The following WNT8A variants were observed in gnomAD, a reference collection of about 807,000 sequenced individuals.
WNT8A encodes the protein protein Wnt-8a.
Under a neutral mutation model 20.5 loss-of-function variants are expected in WNT8A, and 14 were observed. That is an observed-to-expected ratio of 0.68 (90% CI 0.45 to 1.07). WNT8A has a LOEUF of 1.07. WNT8A is among the 50% of genes least tolerant of loss of function. The probability of loss-of-function intolerance (pLI) is 0.00; values close to 1 mark genes in which losing one functional copy is unlikely to be tolerated. For missense variants in WNT8A, 397 were observed against 462.9 expected, an observed-to-expected ratio of 0.86 and a Z score of 1.31; for synonymous variants, 167 against 169.2, an observed-to-expected ratio of 0.99 and a Z score of 0.10.
At chr5:138,087,715 T>G in intron 2 of WNT8A, 91 bp from the exon 3 acceptor site, 8 of 1,066,076 alleles carry the variant, frequency 7.5e-6, no homozygotes, top group South Asian at 5.9e-5. Context: ...AAGTGGGGGA[T>G]AAGGGAGATA....
upstream of WNT8A, among the ~76,000 whole-genome samples, chr5:138,080,374 G>T (rs868324494): frequency 7.1e-6 from 1 of 139,862 alleles, no homozygotes; most frequent in Admixed American, 7.4e-5. Context: ...TAATTCCAAC[G>T]CTCGCAACTG....
At chr5:138,089,100 A>G (rs1033575767) in intron 4 of WNT8A, 31 bp downstream of exon 4, 1 of 1,605,088 alleles carries the variant, frequency 6.2e-7, no homozygotes, top group Middle Eastern at 1.9e-4. Context: ...CAGTATTTCT[A>G]CAGCTTCACA....
chr5:138,080,261 T>C, upstream of WNT8A, among the ~76,000 whole-genome samples: 1 of 150,490 alleles, frequency 6.6e-6, no homozygotes. Context: ...GAGGCAGAGG[T>C]TGTGGTGAGC....
At chr5:138,082,876 A>AAAAT (rs61652264), upstream of WNT8A, among the ~76,000 whole-genome samples, 27,801 of 137,572 alleles carry the variant, frequency 0.2, 3,176 homozygotes, top group Middle Eastern at 0.26. Flanking sequence ...ACTCCATCTC[A>AAAAT]AAATAAATAA....
In WNT8A at chr5:138,088,902, G is replaced by T. The variant is rs1461165251; in HGVS notation, c.422-25G>T. 6 of 1,612,078 alleles carry T rather than the reference G, an allele frequency of 3.7e-6. No individual in the cohort carries two copies. The Admixed American group carries it at 6.7e-5, about 18-fold the overall frequency. On this transcript the variant is annotated intron_variant, in intron 3 of 4. Coordinates refer to ENST00000506684, the MANE Select transcript of WNT8A (RefSeq NM_001300939.2). ...GGGACTGAGCATGGAGCTACACGGAGAACTTATTCTGTCCTTGTATATAGG... is the reference window on the plus strand; with the variant it reads ...GGGACTGAGCATGGAGCTACACGGATAACTTATTCTGTCCTTGTATATAGG...
In WNT8A at chr5:138,091,057, G is replaced by A. The variant is rs1482686758; in HGVS notation, c.1094G>A (p.Gly365Asp). ...ARSPGSAQSLGKGSA is the reference protein window; with the variant it reads ...ARSPGSAQSLDKGSA ...TCCCCAGGCAGTGCCCAGTCCCTGG[G>A]TAAGGGCAGTGCCTGATAATACCCC... Residue 365 changes from glycine (G) to aspartate (D), a missense_variant, in exon 5 of 5, where the codon GGT becomes GAT. Physicochemically the swap from Gly to Asp is moderately conservative, Grantham distance 94 (BLOSUM62 -1). Coordinates refer to ENST00000506684, the MANE Select transcript of WNT8A (RefSeq NM_001300939.2). The A allele has an allele frequency of 3.1e-6, 5 of 1,611,950 alleles. No individual in the cohort carries two copies. In the Admixed American group the frequency reaches 6.7e-5, roughly 22 times the overall value.
At chr5:138,079,766 T>C (rs1750454716), upstream of WNT8A, among the ~76,000 whole-genome samples, 1 of 152,208 alleles carries the variant, frequency 6.6e-6, no homozygotes, top group Non-Finnish European at 1.5e-5. Flanking sequence ...AGTTGGATCA[T>C]TACTTAAAAG....
chr5:138,083,848 A>G (rs1185085529), upstream of WNT8A: 21 of 429,292 alleles, frequency 4.9e-5, no homozygotes, highest in Non-Finnish European at 7.4e-5. Flanking sequence ...GGAGGGAAGA[A>G]GGGCTGGAGG....
rs1750843859 is a variant in WNT8A, at chr5:138,091,191, C to T, written c.*118C>T. On this transcript the variant is annotated 3_prime_UTR_variant, in exon 5 of 5. Coordinates refer to ENST00000506684, the MANE Select transcript of WNT8A (RefSeq NM_001300939.2). Reference sequence around the variant, plus strand: ...AATTGCAGTTTTGGTCTGTAGTCCTCATGATATCTGCTATCAGTGGGGAAA... The same window carrying T: ...AATTGCAGTTTTGGTCTGTAGTCCTTATGATATCTGCTATCAGTGGGGAAA... 1 of 1,540,762 alleles carries T rather than the reference C, an allele frequency of 6.5e-7. No homozygotes were observed. Among genetic ancestry groups the T allele is most frequent in the Non-Finnish European group, 8.7e-7 (1 of 1,154,844 alleles).
At chr5:138,086,688 C>T (rs1294296105) in intron 2 of WNT8A, among the ~76,000 whole-genome samples, 1 of 150,112 alleles carries the variant, frequency 6.7e-6, no homozygotes, top group African/African-American at 2.5e-5. Context: ...GGATTGCTTG[C>T]GCCCAGGAGT....
upstream of WNT8A, among the ~76,000 whole-genome samples, chr5:138,082,903 A>G (rs954119716): frequency 1.3e-4 from 18 of 140,228 alleles, no homozygotes; most frequent in African/African-American, 4.5e-4. Flanking sequence ...AAATAAATAA[A>G]TAAATAAATA....
chr5:138,087,742 C>G (rs1233001371), intron 2 of WNT8A, 64 bp from the exon 3 acceptor site: 2 of 1,506,976 alleles, frequency 1.3e-6, no homozygotes, highest in South Asian at 1.2e-5. Flanking sequence ...ATTATTTTTC[C>G]AAAGCCTCTG....
chr5:138,085,555 G>A (rs1218870268), intron 2 of WNT8A, among the ~76,000 whole-genome samples: 1 of 152,072 alleles, frequency 6.6e-6, no homozygotes, highest in African/African-American at 2.4e-5. Context: ...TAAAGAAGAC[G>A]GAGAAAGTGG....
rs535147187 is a variant in WNT8A, at chr5:138,084,245, G to A, written c.118G>A (p.Gly40Ser). 6 of 1,613,948 alleles carry A rather than the reference G, an allele frequency of 3.7e-6. No homozygotes were observed. Among genetic ancestry groups the A allele is most frequent in the Admixed American group, 1.7e-5 (1 of 59,984 alleles). The change falls in exon 1 of 5, where the codon GGT becomes AGT. Residue 40 changes from glycine (G) to serine (S), a missense_variant. Coordinates refer to ENST00000506684, the MANE Select transcript of WNT8A (RefSeq NM_001300939.2). The part of the protein sequence containing the change: ...IHLCLTFSLF[G>S]RSVNNFLITG... ...CCTCTGCCTCACTTTTTCTCTTTTT[G>A]GTAGGTCAGTGAACAATTTCCTGAT... is the stretch of plus-strand genomic sequence containing the variant.
intron 4 of WNT8A, among the ~76,000 whole-genome samples, chr5:138,089,538 G>C (rs1750781108): frequency 6.6e-6 from 1 of 152,178 alleles, no homozygotes; most frequent in Admixed American, 6.5e-5. Context: ...TGGGGTGGCA[G>C]TCTCTGGAGT....
intron 2 of WNT8A, among the ~76,000 whole-genome samples, chr5:138,085,776 C>A (rs933285785): frequency 1.3e-5 from 2 of 150,416 alleles, no homozygotes; most frequent in Admixed American, 1.3e-4. Flanking sequence ...ATTTCTGGAA[C>A]CCAGGAGTTC....
chr5:138,086,607 A>T (rs1342938119), intron 2 of WNT8A, among the ~76,000 whole-genome samples: 3 of 152,064 alleles, frequency 2.0e-5, no homozygotes, highest in Non-Finnish European at 4.4e-5. Context: ...TGTTCTTTCA[A>T]ATAGAAGAGC....
At chr5:138,079,073 G>A (rs1750438540), upstream of WNT8A, among the ~76,000 whole-genome samples, 1 of 151,972 alleles carries the variant, frequency 6.6e-6, no homozygotes, top group African/African-American at 2.4e-5. Context: ...GGTAGTAAGA[G>A]GAAAAATTAA....
intron 2 of WNT8A, among the ~76,000 whole-genome samples, 187 bp downstream of exon 2, chr5:138,084,823 G>T (rs2151144584): frequency 6.6e-6 from 1 of 152,258 alleles, no homozygotes; most frequent in East Asian, 1.9e-4. Context: ...CCCCAGATTT[G>T]TCATTTGGGT....
Sources: allele counts gnomAD v4.1 joint callset (sites outside exome capture counted in the v4.1 genomes callset), GRCh38; gene constraint gnomAD v4.1.1; transcripts MANE v1.5; gene names NCBI Gene and HGNC (gene_info 2026-07-23, HGNC 2026-07-21).